ALMS1: variants seen among roughly 807,000 people sequenced by gnomAD.
ALMS1 encodes the protein centrosome-associated protein ALMS1.
Under a neutral mutation model 352.2 loss-of-function variants are expected in ALMS1, and 271 were observed. That is an observed-to-expected ratio of 0.77 (90% CI 0.70 to 0.85). The LOEUF (loss-of-function observed/expected upper bound fraction) is 0.85, where lower values mean the gene tolerates loss of function less well. Among genes scored for constraint, ALMS1 ranks in the 40% least tolerant of loss-of-function variants. The pLI is 0.00. For synonymous variants in ALMS1, 1,865 were observed against 1,761.2 expected (o/e 1.06, Z -1.48); for missense variants, 5,445 against 4,870.7 (o/e 1.12, Z -3.51).
intron 5 of ALMS1, among the ~76,000 whole-genome samples, chr2:73,425,454 G>C (rs1477578267): frequency 6.6e-6 from 1 of 152,140 alleles, no homozygotes; most frequent in Non-Finnish European, 1.5e-5. Flanking sequence ...TAAAATGGAG[G>C]CTTCTGGTTG....
intron 1 of ALMS1, among the ~76,000 whole-genome samples, chr2:73,389,048 A>G (rs1325753846): frequency 1.3e-5 from 2 of 152,218 alleles, no homozygotes; most frequent in African/African-American, 4.8e-5. Flanking sequence ...TGAACAATTT[A>G]CATTCCCAAC....
chr2:73,423,409 T>A (rs1156878219), intron 4 of ALMS1, among the ~76,000 whole-genome samples: 2 of 152,180 alleles, frequency 1.3e-5, no homozygotes, highest in Non-Finnish European at 2.9e-5. Flanking sequence ...TCTCCTTACC[T>A]TATAGGAGGT....
chr2:73,481,000 C>T (rs557575278), intron 9 of ALMS1, among the ~76,000 whole-genome samples: 6,799 of 149,718 alleles, frequency 0.045, 177 homozygotes, highest in Non-Finnish European at 0.058. Context: ...GAGTAGGTTG[C>T]GAAAATTTTC....
At chr2:73,488,240 C>G (rs1298234913) in intron 9 of ALMS1, among the ~76,000 whole-genome samples, 4 of 152,220 alleles carry the variant, frequency 2.6e-5, no homozygotes, top group Non-Finnish European at 4.4e-5. Context: ...GCCCTCCCTG[C>G]CCCTGCAACC....
Position 73,487,568 on chromosome 2 carries a change from T to C in ALMS1, c.7675-2066T>C, listed in dbSNP as rs1444065551. Among the ~76,000 whole-genome samples the C allele has an allele frequency of 4.6e-5, 7 of 152,280 alleles. No homozygotes were observed. The South Asian group carries it at 8.3e-4, about 18-fold the overall frequency. ...TCCCGAAAGGCCACAGCTTGTCTCT[T>C]CTTCTTGTTCCCTGCAACATGGCAG... On this transcript the variant is annotated intron_variant, in intron 9 of 22. Transcript: ENST00000613296.
chr2:73,504,414 TC>T (rs1673278970), intron 10 of ALMS1, among the ~76,000 whole-genome samples: 4 of 152,196 alleles, frequency 2.6e-5, no homozygotes, highest in Admixed American at 2.6e-4. Context: ...CACACCCTGT[TC>T]CCTCAAGCCA....
At chr2:73,394,534 G>T (rs902390545) in intron 1 of ALMS1, among the ~76,000 whole-genome samples, 1 of 151,970 alleles carries the variant, frequency 6.6e-6, no homozygotes, top group Non-Finnish European at 1.5e-5. Context: ...ATTTTTAGTG[G>T]AGACGGGGTT....
Position 73,550,339 on chromosome 2 carries a change from C to T in ALMS1, c.9980C>T (p.Thr3327Ile), listed in dbSNP as rs560317562. Reference protein sequence around the residue: ...LGTRDDDLSATVNIKHKEGIY... With the variant: ...LGTRDDDLSAIVNIKHKEGIY... ...ACAAGAGATGATGACCTCTCAGCCACTGTTAACATTAAACATAAAGAAGGA... is the reference window on the plus strand; with the variant it reads ...ACAAGAGATGATGACCTCTCAGCCATTGTTAACATTAAACATAAAGAAGGA... Residue 3327 changes from threonine (T) to isoleucine (I), a missense_variant, in exon 13 of 23, where the codon ACT (threonine) becomes ATT (isoleucine). Thr to Ile is a moderately conservative substitution (Grantham distance 89). Transcript: ENST00000613296. 30 of 1,614,152 alleles carry T rather than the reference C, an allele frequency of 1.9e-5. No homozygotes were observed. The East Asian group carries it at 5.1e-4, about 28-fold the overall frequency.
At chr2:73,461,145 G>A (rs1030640215) in intron 9 of ALMS1, among the ~76,000 whole-genome samples, 21 of 152,362 alleles carry the variant, frequency 1.4e-4, no homozygotes, top group African/African-American at 4.6e-4. Context: ...GCCTCCTCAA[G>A]TGGGTCCCTG....
At chr2:73,405,208 C>A (rs1028392852) in intron 1 of ALMS1, among the ~76,000 whole-genome samples, 1 of 152,088 alleles carries the variant, frequency 6.6e-6, no homozygotes, top group African/African-American at 2.4e-5. Flanking sequence ...GCCACTGCGC[C>A]TGGCCATGGG....
intron 16 of ALMS1, among the ~76,000 whole-genome samples, chr2:73,589,110 T>A (rs1178957287): frequency 1.3e-5 from 2 of 152,118 alleles, no homozygotes; most frequent in Non-Finnish European, 2.9e-5. Context: ...GAATTATGAT[T>A]TTTTCTTTTA....
rs139484311 is a variant in ALMS1 at position 73,551,424 on chromosome 2, T to C, written c.10078+987T>C. On this transcript the variant is annotated intron_variant, in intron 13 of 22. Transcript: ENST00000613296. ...ATCACTGTGGGTATTTGAGTTTCAA[T>C]CTTTTTTTTTTTTTTTTTTTTTTTT... 4.6e-3 allele frequency among the ~76,000 whole-genome samples: 599 copies of C among 131,170 alleles called. 5 individuals are homozygous for C. The highest frequency in any genetic ancestry group is 0.017 in the African/African-American group (568 of 33,024). 86.1% of individuals were successfully genotyped at this position (131,170 alleles called of 152,430 possible).
At chr2:73,496,182 A>G (rs538898465) in intron 10 of ALMS1, among the ~76,000 whole-genome samples, 34 of 152,310 alleles carry the variant, frequency 2.2e-4, no homozygotes, top group African/African-American at 7.2e-4. Context: ...ATCCATTGCT[A>G]CAGTTTCATA....
intron 16 of ALMS1, among the ~76,000 whole-genome samples, chr2:73,598,268 T>TTTGGTTAGCTAGTA (rs1196312793): frequency 6.6e-6 from 1 of 152,188 alleles, no homozygotes; most frequent in East Asian, 1.9e-4. Context: ...AAAGTGACCT[T>TTTGGTTAGCTAGTA]ATGTACTAGA....
intron 16 of ALMS1, among the ~76,000 whole-genome samples, chr2:73,575,226 G>A (rs1020791689): frequency 2.6e-5 from 4 of 152,056 alleles, no homozygotes; most frequent in Non-Finnish European, 4.4e-5. Flanking sequence ...GATATAGAAC[G>A]TTTGTGTACA....
intron 16 of ALMS1, among the ~76,000 whole-genome samples, chr2:73,581,735 G>A (rs764761960): frequency 6.6e-6 from 1 of 151,728 alleles, no homozygotes; most frequent in Non-Finnish European, 1.5e-5. Flanking sequence ...TAACTAGAGT[G>A]ACATCAATTA....
At position 73,490,747 on chromosome 2, in the gene ALMS1, T is replaced by C. The variant is rs751893253; in HGVS notation, c.8788T>C (p.Phe2930Leu). ...CATTTTTCTTGAACAACGAGAACTCTTTGAACAGTGCAAAGCCCCATATGT... is the reference window on the plus strand; with the variant it reads ...CATTTTTCTTGAACAACGAGAACTCCTTGAACAGTGCAAAGCCCCATATGT... ...SCIFLEQREL[F>L]EQCKAPYVDH... The change falls in exon 10 of 23, where the codon TTT becomes CTT. Residue 2930 changes from phenylalanine (F) to leucine (L), a missense_variant. Transcript: ENST00000613296. The C allele has an allele frequency of 6.2e-6, 10 of 1,614,046 alleles. No individual in the cohort carries two copies. The highest frequency in any genetic ancestry group is 4.0e-5 in the African/African-American group (3 of 74,924).
intron 15 of ALMS1, among the ~76,000 whole-genome samples, chr2:73,564,905 C>G (rs1227531347): frequency 6.6e-6 from 1 of 152,176 alleles, no homozygotes; most frequent in African/African-American, 2.4e-5. Context: ...AGTGTTCACA[C>G]AGATTTACAG....
intron 9 of ALMS1, among the ~76,000 whole-genome samples, chr2:73,471,434 A>T (rs548419015): frequency 4.8e-5 from 7 of 145,300 alleles, no homozygotes; most frequent in African/African-American, 1.8e-4. Context: ...TTTGCAAACC[A>T]TGTATCTAAT....
Sources: allele counts gnomAD v4.1 joint callset (sites outside exome capture counted in the v4.1 genomes callset), GRCh38; gene constraint gnomAD v4.1.1; transcripts MANE v1.5; gene names NCBI Gene and HGNC (gene_info 2026-07-23, HGNC 2026-07-21).